The following GRIK2 variants were observed in gnomAD, a reference collection of about 807,000 sequenced individuals.
The protein encoded by GRIK2 is glutamate ionotropic receptor kainate type subunit 2, also known as glutamate receptor ionotropic, kainate 2.
A neutral mutation model predicts 100.3 loss-of-function variants in GRIK2; 32 were observed. That is an observed-to-expected ratio of 0.32 (90% CI 0.24 to 0.43). GRIK2 has a LOEUF of 0.43. GRIK2 is among the 20% of genes least tolerant of loss of function. The pLI is 1.00. For missense variants in GRIK2, 843 were observed against 1,114.9 expected (o/e 0.76, Z 3.47); for synonymous variants, 417 against 389.4 (o/e 1.07, Z -0.83).
At chr6:102,056,505 A>G (rs2114508004) in intron 16 of GRIK2, among the ~76,000 whole-genome samples, 1 of 152,098 alleles carries the variant, frequency 6.6e-6, no homozygotes, top group South Asian at 2.1e-4. Context: ...TTGTTTTTGA[A>G]GAAACTCACA....
chr6:101,926,684 A>C (rs1789927725), intron 13 of GRIK2, among the ~76,000 whole-genome samples: 1 of 152,124 alleles, frequency 6.6e-6, no homozygotes. Flanking sequence ...GGATACATGA[A>C]AGAGGAACCC....
At chr6:101,560,402 A>G (rs1776946073) in intron 2 of GRIK2, among the ~76,000 whole-genome samples, 1 of 152,070 alleles carries the variant, frequency 6.6e-6, no homozygotes, top group Non-Finnish European at 1.5e-5. Flanking sequence ...GTGATCTGTG[A>G]GTGGCTCTTA....
chr6:101,486,823 A>C (rs558178575), intron 2 of GRIK2, among the ~76,000 whole-genome samples: 2 of 146,988 alleles, frequency 1.4e-5, no homozygotes, highest in African/African-American at 5.2e-5. Context: ...TGTCTCTCTC[A>C]GTAACGAAGT....
intron 12 of GRIK2, among the ~76,000 whole-genome samples, chr6:101,909,953 CAG>C (rs1480091053): frequency 6.6e-6 from 1 of 150,492 alleles, no homozygotes; most frequent in Admixed American, 6.6e-5. Flanking sequence ...CTGATAAAAT[CAG>C]AAATGTTATG....
chr6:101,742,224 A>G (rs929900087), intron 7 of GRIK2, among the ~76,000 whole-genome samples: 4 of 152,226 alleles, frequency 2.6e-5, no homozygotes, highest in African/African-American at 7.2e-5. Flanking sequence ...CAGTATGCCA[A>G]TCACTAAGGT....
chr6:101,771,637 C>G (rs1252897269), intron 7 of GRIK2, among the ~76,000 whole-genome samples: 6 of 150,782 alleles, frequency 4.0e-5, no homozygotes, highest in Non-Finnish European at 8.9e-5. Context: ...CATCCATTAA[C>G]TTGTCATTTA....
intron 2 of GRIK2, among the ~76,000 whole-genome samples, chr6:101,483,138 A>C (rs1344886595): frequency 6.6e-6 from 1 of 152,148 alleles, no homozygotes; most frequent in Non-Finnish European, 1.5e-5. Context: ...TATCTTTCTA[A>C]AGCAGTGGTC....
chr6:101,841,903 T>C (rs1274494848), intron 10 of GRIK2, among the ~76,000 whole-genome samples: 2 of 152,104 alleles, frequency 1.3e-5, no homozygotes, highest in Non-Finnish European at 1.5e-5. Flanking sequence ...AAAAGAAGCT[T>C]TCAGTAAGGT....
chr6:101,842,389 C>A (rs1375252589), intron 10 of GRIK2, among the ~76,000 whole-genome samples: 1 of 152,124 alleles, frequency 6.6e-6, no homozygotes, highest in East Asian at 1.9e-4. Flanking sequence ...GATGATTTAA[C>A]TGACTGACTT....
intron 11 of GRIK2, among the ~76,000 whole-genome samples, chr6:101,879,845 A>G (rs1243869968): frequency 6.6e-6 from 1 of 151,910 alleles, no homozygotes; most frequent in Non-Finnish European, 1.5e-5. Context: ...TTTCAAATGG[A>G]AAGTGAGGTC....
chr6:101,881,359 C>T (rs1030905233), intron 11 of GRIK2, among the ~76,000 whole-genome samples: 3 of 151,640 alleles, frequency 2.0e-5, no homozygotes, highest in East Asian at 1.9e-4. Context: ...CTAATTACTT[C>T]AGAATCAAGA....
At chr6:101,672,369 T>C (rs9399725) in intron 4 of GRIK2, among the ~76,000 whole-genome samples, 14,379 of 152,152 alleles carry the variant, frequency 0.095, 725 homozygotes, top group Admixed American at 0.12. Flanking sequence ...ACCCTCTCTC[T>C]CCAGATGCCC....
rs374616912 is a variant in GRIK2 at position 101,490,316 on chromosome 6, A to G, written c.115+90924A>G. On this transcript the variant is annotated intron_variant, in intron 2 of 16. Transcript: ENST00000369134. ...ACCTCCAGTTTGCATATAAGAAAAC[A>G]AAGATATAGAAAATTTAAGAAACTT... 2.1e-4 allele frequency among the ~76,000 whole-genome samples: 30 copies of G among 144,660 alleles called. 1 individual carries two copies. In the East Asian group the frequency reaches 3.7e-3, roughly 18 times the overall value. The allele number at this position is 144,660 out of a possible 152,430, so 94.9% of individuals were successfully genotyped here. A position where few individuals can be genotyped will look rare whatever the true frequency, so the allele number is the denominator to read the frequency against.
intron 14 of GRIK2, among the ~76,000 whole-genome samples, chr6:102,024,152 A>G (rs1769572983): frequency 6.6e-6 from 1 of 150,752 alleles, no homozygotes; most frequent in South Asian, 2.1e-4. Flanking sequence ...ATTTTGAATG[A>G]CTGACAAGTC....
intron 2 of GRIK2, among the ~76,000 whole-genome samples, chr6:101,441,840 G>A (rs188148085): frequency 3.9e-4 from 59 of 152,152 alleles, no homozygotes; most frequent in Admixed American, 3.5e-3. Context: ...TTGTGTCCAT[G>A]TGTGCTCAAT....
chr6:101,774,679 C>T (rs1376715710), intron 7 of GRIK2, among the ~76,000 whole-genome samples: 3 of 152,086 alleles, frequency 2.0e-5, no homozygotes, highest in Admixed American at 6.6e-5. Context: ...CATTTTCTTA[C>T]CTGCTTCACA....
chr6:101,578,816 C>G (rs766028150), intron 2 of GRIK2, among the ~76,000 whole-genome samples: 1 of 152,128 alleles, frequency 6.6e-6, no homozygotes, highest in Non-Finnish European at 1.5e-5. Context: ...ATTCAGTGAA[C>G]ATTTATTGAA....
intron 2 of GRIK2, among the ~76,000 whole-genome samples, chr6:101,439,400 C>A (rs1207455472): frequency 6.6e-6 from 1 of 152,056 alleles, no homozygotes; most frequent in Non-Finnish European, 1.5e-5. Flanking sequence ...GCTTCAAAGT[C>A]TTCATTACAC....
At chr6:101,706,587 G>A (rs970110854) in intron 7 of GRIK2, among the ~76,000 whole-genome samples, 15 of 151,936 alleles carry the variant, frequency 9.9e-5, no homozygotes, top group African/African-American at 3.6e-4. Context: ...AAGATAAACA[G>A]GCAGGAGGTT....
Sources: gnomAD v4.1 joint callset for allele counts (sites outside exome capture counted in the v4.1 genomes callset) on GRCh38, gnomAD v4.1.1 for gene constraint, MANE v1.5 for transcripts, NCBI Gene and HGNC (gene_info 2026-07-23, HGNC 2026-07-21) for gene names.